The following FAM200B variants were observed in gnomAD, a reference collection of about 807,000 sequenced individuals.
FAM200B encodes zinc finger BED-type containing 11, also known as protein FAM200B.
A neutral mutation model predicts 33.1 loss-of-function variants in FAM200B; 32 were observed. That is an observed-to-expected ratio of 0.97 (90% confidence interval 0.73 to 1.30). FAM200B has a LOEUF of 1.30. Among genes scored for constraint, FAM200B ranks in the 50% most tolerant of loss-of-function variants. The probability of loss-of-function intolerance (pLI) is 0.00; values close to 1 mark genes in which losing one functional copy is unlikely to be tolerated. For synonymous variants in FAM200B, 240 were observed against 264.8 expected, an observed-to-expected ratio of 0.91 and a Z score of 0.91; for missense variants, 741 against 754.0, an observed-to-expected ratio of 0.98 and a Z score of 0.20.
the FAM200B span, among the ~76,000 whole-genome samples, chr4:15,649,077 A>G: frequency 6.6e-6 from 1 of 152,188 alleles, no homozygotes; most frequent in Admixed American, 6.5e-5. Context: ...AATACAAAAT[A>G]TTTTGTACAA....
chr4:15,681,253 T>C (rs1163158762), upstream of FAM200B: 1 of 152,454 alleles, frequency 6.6e-6, no homozygotes, highest in African/African-American at 2.4e-5. Context: ...AATTCTCTAA[T>C]TCTTCCACAA....
the FAM200B span, among the ~76,000 whole-genome samples, chr4:15,646,461 G>GA: frequency 1.8e-3 from 243 of 132,976 alleles, no homozygotes; most frequent in East Asian, 4.3e-3. Context: ...TCATTTTTTG[G>GA]AAAAAAAAAA....
At chr4:15,664,498 T>A in the FAM200B span, among the ~76,000 whole-genome samples, 2 of 152,050 alleles carry the variant, frequency 1.3e-5, no homozygotes, top group Non-Finnish European at 2.9e-5. Flanking sequence ...ATATACTGTT[T>A]ATTTTATTGA....
the FAM200B span, chr4:15,659,845 C>T: frequency 2.0e-6 from 1 of 497,652 alleles, no homozygotes; most frequent in Non-Finnish European, 2.6e-6. Context: ...TGTGTATGGC[C>T]TGAGGGAAAG....
At chr4:15,640,847 T>G in the FAM200B span, 1 of 1,561,114 alleles carries the variant, frequency 6.4e-7, no homozygotes, top group Non-Finnish European at 8.6e-7. Context: ...AATCTCTCTT[T>G]CAGTTGTTTT....
chr4:15,677,347 T>C (rs1438539178), upstream of FAM200B, among the ~76,000 whole-genome samples: 1 of 152,220 alleles, frequency 6.6e-6, no homozygotes, highest in Non-Finnish European at 1.5e-5. Context: ...AGGAGGTGTC[T>C]TTTATACTTC....
chr4:15,654,139 T>C, the FAM200B span, among the ~76,000 whole-genome samples: 1 of 152,224 alleles, frequency 6.6e-6, no homozygotes. Flanking sequence ...CTGGCTGAGC[T>C]ATGAAACACC....
the FAM200B span, among the ~76,000 whole-genome samples, chr4:15,657,889 G>A: frequency 6.6e-6 from 1 of 152,066 alleles, no homozygotes; most frequent in Non-Finnish European, 1.5e-5. Context: ...AGACCTTTTT[G>A]GATGTATGAC....
chr4:15,690,000 A>G lies in FAM200B; in HGVS notation c.*1049A>G, dbSNP rs564549992. 3 of 167,206 alleles carry G rather than the reference A, an allele frequency of 1.8e-5. No homozygotes were observed. The South Asian group carries it at 6.2e-4, about 35-fold the overall frequency. 10.4% of individuals were successfully genotyped at this position (167,206 alleles called of 1,614,324 possible). A position where few individuals can be genotyped will look rare whatever the true frequency, so the allele number is the denominator to read the frequency against. On this transcript the variant is annotated 3_prime_UTR_variant, in exon 2 of 2. Transcript: ENST00000422728. ...GATATCCATTTGCCTGATACATAGT[A>G]TGTGTTCAATACACATTTGCTAAAG...
chr4:15,639,799 A>C, the FAM200B span, among the ~76,000 whole-genome samples: 5 of 152,208 alleles, frequency 3.3e-5, no homozygotes, highest in Admixed American at 6.5e-5. Flanking sequence ...TTAAAATACT[A>C]TCGGGGTTTC....
At chr4:15,644,407 ACT>A in the FAM200B span, 2 of 1,041,094 alleles carry the variant, frequency 1.9e-6, no homozygotes, top group Non-Finnish European at 2.9e-6. Flanking sequence ...TACATCATTT[ACT>A]ATAAAACAGT....
In FAM200B at chr4:15,686,542, A is replaced by G. The variant is rs1718862158; in HGVS notation, c.-436A>G. The stretch of plus-strand genomic sequence containing the variant: ...ATGTGAGACCCATTAGTGAGGCATG[A>G]AATCAATTCTGTGAGTCACAATGAA... On this transcript the variant is annotated 5_prime_UTR_variant, in exon 2 of 2. It removes the in-frame stop codon of an upstream open reading frame in the 5' UTR. Transcript: ENST00000422728. 1 of 153,532 alleles carries G rather than the reference A, an allele frequency of 6.5e-6. No individual in the cohort carries two copies. Among genetic ancestry groups the G allele is most frequent in the African/African-American group, 2.4e-5 (1 of 41,480 alleles). The allele number at this position is 153,532 out of a possible 1,614,324, so 9.5% of individuals were successfully genotyped here.
the FAM200B span, among the ~76,000 whole-genome samples, chr4:15,662,788 T>C: frequency 1.3e-5 from 2 of 152,240 alleles, no homozygotes; most frequent in African/African-American, 4.8e-5. Context: ...TTTTTTGTCT[T>C]TGCAAAGGTG....
At chr4:15,660,409 G>A in the FAM200B span, among the ~76,000 whole-genome samples, 5 of 152,050 alleles carry the variant, frequency 3.3e-5, no homozygotes, top group African/African-American at 1.2e-4. Context: ...ACTCAAAACA[G>A]AGTACCAAAA....
At chr4:15,657,392 A>AG in the FAM200B span, among the ~76,000 whole-genome samples, 1 of 152,222 alleles carries the variant, frequency 6.6e-6, no homozygotes. Context: ...CCTCATTTTT[A>AG]CTAATGTTTA....
chr4:15,687,379 A>AT lies in FAM200B; in HGVS notation c.405dup (p.Leu136SerfsTer2). 6.5e-7 allele frequency: 1 copy of AT among 1,547,134 alleles called. No individual in the cohort carries two copies. The highest frequency in any genetic ancestry group is 8.7e-7 in the Non-Finnish European group (1 of 1,144,368). On this transcript the variant is annotated frameshift_variant, in exon 2 of 2. Coordinates refer to ENST00000422728, the MANE Select transcript of FAM200B (RefSeq NM_001145191.2). LOFTEE classifies it high-confidence loss of function. ...AAAAAGACATAAAGTTATCAACACAATTTCTTAGTTGTTCTACTGCTGTTA... is the reference window on the plus strand; with the variant it reads ...AAAAAGACATAAAGTTATCAACACAATTTTCTTAGTTGTTCTACTGCTGTTA...
the FAM200B span, among the ~76,000 whole-genome samples, chr4:15,668,596 TGAA>T: frequency 8.4e-4 from 128 of 152,276 alleles, no homozygotes; most frequent in Non-Finnish European, 1.4e-3. Flanking sequence ...AAGATTATAA[TGAA>T]GATAATTTAA....
In FAM200B at chr4:15,687,527, G is replaced by A; in HGVS notation, c.550G>A (p.Asp184Asn). ...ACLDMVRTIF[D>N]DKSADKLKTI... ...TTTGGATATGGTGCGTACAATATTT[G>A]ATGATAAATCAGCTGATAAATTAAA... Residue 184 changes from aspartate (D) to asparagine (N), a missense_variant, in exon 2 of 2, where the codon GAT becomes AAT. Coordinates refer to ENST00000422728, the MANE Select transcript of FAM200B (RefSeq NM_001145191.2). 6.4e-7 allele frequency: 1 copy of A among 1,550,704 alleles called. No homozygotes were observed. Among genetic ancestry groups the A allele is most frequent in the South Asian group, 1.2e-5 (1 of 83,994 alleles).
At chr4:15,641,527 A>C in the FAM200B span, 1 of 415,150 alleles carries the variant, frequency 2.4e-6, no homozygotes, top group African/African-American at 2.0e-5. Context: ...AGCTTACCTT[A>C]CTGTAAGAAT....
Sources: gnomAD v4.1 joint callset for allele counts (sites outside exome capture counted in the v4.1 genomes callset) on GRCh38, gnomAD v4.1.1 for gene constraint, MANE v1.5 for transcripts, NCBI Gene and HGNC (gene_info 2026-07-23, HGNC 2026-07-21) for gene names.